The following APBB1IP variants were observed in gnomAD, a reference collection of about 807,000 sequenced individuals.
APBB1IP encodes amyloid beta A4 precursor protein-binding family B member 1-interacting protein.
A neutral mutation model predicts 64.9 loss-of-function variants in APBB1IP; 27 were observed. That is an observed-to-expected ratio of 0.42 (90% CI 0.31 to 0.57). The LOEUF is 0.57. Ranked by LOEUF, APBB1IP falls within the 20% of genes least tolerant of loss-of-function variation. The probability of loss-of-function intolerance (pLI) is 0.20; values close to 1 mark genes in which losing one functional copy is unlikely to be tolerated. For missense variants in APBB1IP, 812 were observed against 845.5 expected, an observed-to-expected ratio of 0.96 and a Z score of 0.49; for synonymous variants, 392 against 331.0, an observed-to-expected ratio of 1.18 and a Z score of -2.00.
chr10:26,548,928 G>A (rs965762713), intron 11 of APBB1IP, among the ~76,000 whole-genome samples: 1 of 152,144 alleles, frequency 6.6e-6, no homozygotes, highest in Non-Finnish European at 1.5e-5. Flanking sequence ...TGAGATCTTA[G>A]GGAAAAAGCT....
chr10:26,477,613 A>G (rs1351100240), intron 2 of APBB1IP, among the ~76,000 whole-genome samples: 1 of 152,208 alleles, frequency 6.6e-6, no homozygotes. Context: ...CTGTTAACCT[A>G]CTTTGCAATA....
At chr10:26,469,245 CTTCTT>C (rs1284098851) in intron 2 of APBB1IP, among the ~76,000 whole-genome samples, 3 of 143,202 alleles carry the variant, frequency 2.1e-5, no homozygotes, top group Admixed American at 7.0e-5. Flanking sequence ...GTTTTCTTTC[CTTCTT>C]TTCTTTTCTT....
At chr10:26,465,096 T>G (rs1835633351) in intron 2 of APBB1IP, among the ~76,000 whole-genome samples, 1 of 152,206 alleles carries the variant, frequency 6.6e-6, no homozygotes, top group Non-Finnish European at 1.5e-5. Context: ...AAAAATACAG[T>G]AGCTGCAGAC....
At chr10:26,493,084 G>T (rs376790964) in intron 3 of APBB1IP, among the ~76,000 whole-genome samples, 2 of 152,184 alleles carry the variant, frequency 1.3e-5, no homozygotes, top group East Asian at 3.9e-4. Context: ...TCCTTACTGG[G>T]GAAAGAATTC....
At chr10:26,450,204 TACTC>T (rs1410481443) in intron 2 of APBB1IP, among the ~76,000 whole-genome samples, 1 of 152,200 alleles carries the variant, frequency 6.6e-6, no homozygotes, top group African/African-American at 2.4e-5. Context: ...GGCTTATAAA[TACTC>T]AGCCATTAAA....
At chr10:26,560,593 C>A in intron 12 of APBB1IP, 137 bp from the exon 13 acceptor site, 1 of 576,886 alleles carries the variant, frequency 1.7e-6, no homozygotes, top group South Asian at 3.3e-5. Flanking sequence ...ATGGAAATAT[C>A]CAAAAAACCA....
chr10:26,466,668 G>C, intron 2 of APBB1IP, among the ~76,000 whole-genome samples: 1 of 152,162 alleles, frequency 6.6e-6, no homozygotes, highest in East Asian at 1.9e-4. Context: ...AGGCATGGTG[G>C]TACATACCTG....
At chr10:26,503,988 C>T (rs556352215) in intron 6 of APBB1IP, among the ~76,000 whole-genome samples, 1 of 152,334 alleles carries the variant, frequency 6.6e-6, no homozygotes, top group Admixed American at 6.5e-5. Context: ...CAAGTTTGCA[C>T]ATCCAGGGCT....
At chr10:26,517,512 T>C (rs971980637) in intron 8 of APBB1IP, among the ~76,000 whole-genome samples, 2 of 152,238 alleles carry the variant, frequency 1.3e-5, no homozygotes, top group African/African-American at 4.8e-5. Flanking sequence ...CGATCTTGGC[T>C]CACTGCAACC....
chr10:26,539,848 T>C (rs2132468175), intron 10 of APBB1IP, among the ~76,000 whole-genome samples: 1 of 152,260 alleles, frequency 6.6e-6, no homozygotes, highest in Non-Finnish European at 1.5e-5. Flanking sequence ...ACCGCATAAC[T>C]AAAAGTTGCT....
chr10:26,526,339 G>C (rs1034755611), intron 8 of APBB1IP, among the ~76,000 whole-genome samples: 2 of 152,220 alleles, frequency 1.3e-5, no homozygotes, highest in African/African-American at 4.8e-5. Flanking sequence ...GTAAGTTCAT[G>C]TAAGATTGTG....
At chr10:26,543,446 G>A (rs1166579313) in intron 11 of APBB1IP, among the ~76,000 whole-genome samples, 15 of 146,288 alleles carry the variant, frequency 1.0e-4, no homozygotes, top group Admixed American at 2.1e-4. Context: ...CAGCCTGGGC[G>A]ACAGAGAGAG....
rs560488377 is a variant in APBB1IP at position 26,496,189 on chromosome 10, A to C, written c.73-115A>C. The stretch of plus-strand genomic sequence containing the variant: ...CAAGTTACCATATGGTTTTCAGAGA[A>C]CACACTAAGGGAGAAAATGTGTAAA... On this transcript the variant is annotated intron_variant, in intron 3 of 14. Transcript: ENST00000376236. 29 of 684,314 alleles carry C rather than the reference A, an allele frequency of 4.2e-5. No homozygotes were observed. The South Asian group carries it at 6.7e-4, about 16-fold the overall frequency. The allele number at this position is 684,314 out of a possible 1,614,324, so 42.4% of individuals were successfully genotyped here.
intron 11 of APBB1IP, among the ~76,000 whole-genome samples, chr10:26,553,931 C>G (rs968939638): frequency 6.6e-6 from 1 of 152,192 alleles, no homozygotes; most frequent in African/African-American, 2.4e-5. Context: ...TCCCTACACA[C>G]TGTAATGCTC....
intron 2 of APBB1IP, among the ~76,000 whole-genome samples, chr10:26,457,296 A>T (rs566013735): frequency 1.3e-5 from 2 of 152,298 alleles, no homozygotes; most frequent in East Asian, 3.9e-4. Flanking sequence ...ATTTCTGGTA[A>T]CTATCGCATT....
chr10:26,507,731 CT>C, intron 6 of APBB1IP, among the ~76,000 whole-genome samples: 1 of 152,220 alleles, frequency 6.6e-6, no homozygotes, highest in Middle Eastern at 3.4e-3. Context: ...TTTCAAACCC[CT>C]GGATTATGTA....
chr10:26,449,362 T>C (rs77721446), intron 2 of APBB1IP, among the ~76,000 whole-genome samples: 1 of 152,124 alleles, frequency 6.6e-6, no homozygotes, highest in South Asian at 2.1e-4. Context: ...ACTTTTTTTT[T>C]CCACTGCTGG....
chr10:26,512,081 G>A (rs1254536707), intron 7 of APBB1IP, among the ~76,000 whole-genome samples, 175 bp downstream of exon 7: 1 of 152,086 alleles, frequency 6.6e-6, no homozygotes, highest in Admixed American at 6.6e-5. Flanking sequence ...CCTCCCACCT[G>A]GGCCTCCCAA....
intron 9 of APBB1IP, among the ~76,000 whole-genome samples, chr10:26,534,477 C>T: frequency 6.6e-6 from 1 of 152,064 alleles, no homozygotes; most frequent in Non-Finnish European, 1.5e-5. Flanking sequence ...TTTTGGACCT[C>T]CCTTGAAAAA....
Sources: allele counts gnomAD v4.1 joint callset (sites outside exome capture counted in the v4.1 genomes callset), GRCh38; gene constraint gnomAD v4.1.1; transcripts MANE v1.5; gene names NCBI Gene and HGNC (gene_info 2026-07-23, HGNC 2026-07-21).